The following ARMC9 variants were observed in gnomAD, a reference collection of about 807,000 sequenced individuals.
The protein encoded by ARMC9 is lisH domain-containing protein ARMC9.
Under a neutral mutation model 107.0 loss-of-function variants are expected in ARMC9, and 94 were observed. The observed-to-expected ratio is 0.88, with a 90% confidence interval of 0.74 to 1.04. ARMC9 has a LOEUF of 1.04. Among genes scored for constraint, ARMC9 ranks in the 50% least tolerant of loss-of-function variants. ARMC9 has a pLI of 0.00. For synonymous variants in ARMC9, 380 were observed against 396.9 expected (o/e 0.96, Z 0.51); for missense variants, 942 against 1,030.1 (o/e 0.91, Z 1.17).
chr2:231,353,600 G>A (rs1416948416), intron 21 of ARMC9, among the ~76,000 whole-genome samples: 4 of 150,884 alleles, frequency 2.7e-5, no homozygotes, highest in African/African-American at 5.0e-5. Context: ...ATGAGTGCCC[G>A]CAAACAGCCA....
At chr2:231,225,760 C>T (rs1574664688) in intron 6 of ARMC9, among the ~76,000 whole-genome samples, 1 of 152,108 alleles carries the variant, frequency 6.6e-6, no homozygotes, top group African/African-American at 2.4e-5. Context: ...TACAGGGTTT[C>T]TTTTGGAGGA....
intron 20 of ARMC9, among the ~76,000 whole-genome samples, chr2:231,343,588 T>C (rs1189321384): frequency 6.6e-6 from 1 of 152,162 alleles, no homozygotes; most frequent in Non-Finnish European, 1.5e-5. Flanking sequence ...ACAGACTTTA[T>C]TCACATTTCA....
Position 231,265,460 on chromosome 2 carries a change from C to T in ARMC9, c.1119+3062C>T, listed in dbSNP as rs62197347. 9.6e-3 allele frequency among the ~76,000 whole-genome samples: 1,454 copies of T among 152,186 alleles called. 9 individuals are homozygous for T. The highest frequency in any genetic ancestry group is 0.015 in the South Asian group (73 of 4,812). On this transcript the variant is annotated intron_variant, in intron 12 of 24. Coordinates refer to ENST00000611582, the MANE Select transcript of ARMC9 (RefSeq NM_001352754.2). Reference sequence around the variant, plus strand: ...GTCTTTTGCTGCAATTTGGATGGAGCTGGAGGCCTTATTCTAAGTGGGGTA... The same window carrying T: ...GTCTTTTGCTGCAATTTGGATGGAGTTGGAGGCCTTATTCTAAGTGGGGTA...
At chr2:231,253,092 T>A (rs1179802907) in intron 9 of ARMC9, among the ~76,000 whole-genome samples, 1 of 148,836 alleles carries the variant, frequency 6.7e-6, no homozygotes, top group African/African-American at 2.6e-5. Context: ...TAATTTTAGT[T>A]TTTATTTTCA....
chr2:231,359,621 G>A (rs992817268), intron 22 of ARMC9, among the ~76,000 whole-genome samples: 9 of 152,326 alleles, frequency 5.9e-5, no homozygotes, highest in South Asian at 2.1e-4. Context: ...GACTCCACAC[G>A]TTGTAATGGG....
chr2:231,292,632 T>G (rs1392718005), intron 18 of ARMC9, among the ~76,000 whole-genome samples: 1 of 152,120 alleles, frequency 6.6e-6, no homozygotes, highest in Non-Finnish European at 1.5e-5. Flanking sequence ...TGTGGACTCC[T>G]GACATCATTC....
Position 231,358,944 on chromosome 2 carries a change from C to T in ARMC9, c.2132-1810C>T, listed in dbSNP as rs1375210365. ...AATCACATGCCTTGGGACTTCATAG[C>T]CCTGGGAGTTAAAATGCCCAGCCCT... On this transcript the variant is annotated intron_variant, in intron 22 of 24. Transcript: ENST00000611582. The surrounding 1 kb of genome is among the most constrained non-coding windows in gnomAD (Gnocchi z 4.5). Among the ~76,000 whole-genome samples, 41 of 152,252 alleles carry T rather than the reference C, an allele frequency of 2.7e-4. No homozygotes were observed. The highest frequency in any genetic ancestry group is 2.7e-3 in the Admixed American group (41 of 15,294).
intron 8 of ARMC9, among the ~76,000 whole-genome samples, chr2:231,235,933 C>T (rs565906045): frequency 6.6e-5 from 10 of 152,176 alleles, no homozygotes; most frequent in South Asian, 2.1e-4. Flanking sequence ...TGAGCCACTG[C>T]GCCTGGCCCT....
intron 19 of ARMC9, among the ~76,000 whole-genome samples, chr2:231,328,105 C>A (rs1270032739): frequency 6.6e-6 from 1 of 152,114 alleles, no homozygotes; most frequent in African/African-American, 2.4e-5. Context: ...TTCTAATAGG[C>A]ATGTAGTGAT....
intron 15 of ARMC9, among the ~76,000 whole-genome samples, chr2:231,277,664 G>A (rs1470441578): frequency 6.6e-6 from 1 of 151,232 alleles, no homozygotes; most frequent in African/African-American, 2.4e-5. Flanking sequence ...CCGGGTTCAA[G>A]CGATTCTCCT....
At chr2:231,333,146 C>T (rs568057658) in intron 20 of ARMC9, among the ~76,000 whole-genome samples, 1 of 152,180 alleles carries the variant, frequency 6.6e-6, no homozygotes, top group Non-Finnish European at 1.5e-5. Flanking sequence ...ATCTGTGGAA[C>T]TTCAGGGATT....
chr2:231,335,920 T>C (rs1335884644), intron 20 of ARMC9, among the ~76,000 whole-genome samples: 1 of 151,872 alleles, frequency 6.6e-6, no homozygotes, highest in African/African-American at 2.4e-5. Context: ...TCCTAAAATT[T>C]TTTTAAAAAT....
intron 20 of ARMC9, among the ~76,000 whole-genome samples, chr2:231,339,094 C>T (rs995732464): frequency 9.2e-5 from 14 of 152,144 alleles, no homozygotes; most frequent in African/African-American, 3.4e-4. Context: ...CTTTGGGAGG[C>T]CAAGGCGGGC....
intron 19 of ARMC9, among the ~76,000 whole-genome samples, chr2:231,328,710 A>T (rs771656002): frequency 6.6e-6 from 1 of 151,978 alleles, no homozygotes; most frequent in Non-Finnish European, 1.5e-5. Context: ...TACCAGTAGC[A>T]TACAATCTGG....
intron 9 of ARMC9, among the ~76,000 whole-genome samples, chr2:231,248,004 T>C (rs1406964973): frequency 6.6e-6 from 1 of 152,070 alleles, no homozygotes; most frequent in African/African-American, 2.4e-5. Context: ...GCTGAGACCT[T>C]TCTCGAGCTC....
intron 11 of ARMC9, among the ~76,000 whole-genome samples, chr2:231,260,688 G>A (rs185147348): frequency 3.3e-5 from 5 of 152,218 alleles, no homozygotes; most frequent in East Asian, 3.9e-4. Flanking sequence ...CACGGTGGCC[G>A]TTTCCTCCCT....
At chr2:231,269,286 T>C (rs2039103584) in intron 12 of ARMC9, among the ~76,000 whole-genome samples, 1 of 152,162 alleles carries the variant, frequency 6.6e-6, no homozygotes, top group South Asian at 2.1e-4. Flanking sequence ...CTTCCCTCTG[T>C]TTTCTGTGTT....
intron 19 of ARMC9, among the ~76,000 whole-genome samples, chr2:231,302,162 A>G (rs1290780806): frequency 6.6e-6 from 1 of 152,068 alleles, no homozygotes; most frequent in African/African-American, 2.4e-5. Context: ...ATATATGTTT[A>G]TATAAGGTTT....
intron 19 of ARMC9, among the ~76,000 whole-genome samples, chr2:231,306,259 T>G (rs2042028977): frequency 6.6e-6 from 1 of 152,196 alleles, no homozygotes; most frequent in Non-Finnish European, 1.5e-5. Context: ...TAAATCAATT[T>G]GAGTGTTTTA....
Sources: allele counts gnomAD v4.1 joint callset (sites outside exome capture counted in the v4.1 genomes callset), GRCh38; gene constraint gnomAD v4.1.1; non-coding constraint Gnocchi (gnomAD v3.1); transcripts MANE v1.5; gene names NCBI Gene and HGNC (gene_info 2026-07-23, HGNC 2026-07-21).